Variants in MAGI1 observed in about 807,000 individuals in gnomAD.
The protein encoded by MAGI1 is membrane-associated guanylate kinase, WW and PDZ domain-containing protein 1.
In MAGI1, 58 loss-of-function variants were observed where a neutral mutation model predicts 139.9. That is an observed-to-expected ratio of 0.41 (90% CI 0.34 to 0.52). The LOEUF (loss-of-function observed/expected upper bound fraction) is 0.52. Among genes scored for constraint, MAGI1 ranks in the 20% least tolerant of loss-of-function variants. The pLI is 0.12. For synonymous variants in MAGI1, 812 were observed against 737.9 expected (o/e 1.10, Z -1.63); for missense variants, 1,874 against 1,901.6 (o/e 0.99, Z 0.27).
chr3:65,656,586 C>A (rs148455957), intron 1 of MAGI1, among the ~76,000 whole-genome samples: 1 of 132,870 alleles, frequency 7.5e-6, no homozygotes, highest in Non-Finnish European at 1.7e-5. Context: ...TTAGAGCAAA[C>A]TTCTTACTCC....
chr3:65,695,313 T>C (rs971062322), intron 1 of MAGI1, among the ~76,000 whole-genome samples: 1 of 119,626 alleles, frequency 8.4e-6, no homozygotes, highest in African/African-American at 3.6e-5. Flanking sequence ...CATTAAATAA[T>C]AGATGTGGCC....
intron 2 of MAGI1, among the ~76,000 whole-genome samples, chr3:65,567,584 C>G (rs1279856537): frequency 6.6e-6 from 1 of 152,190 alleles, no homozygotes; most frequent in Admixed American, 6.5e-5. Flanking sequence ...CACCAGTAAT[C>G]TCAGCATTTT....
At position 65,548,335 on chromosome 3, in the gene MAGI1, C is replaced by G. The variant is rs142107683; in HGVS notation, c.431-54704G>C. Among the ~76,000 whole-genome samples the G allele has an allele frequency of 6.2e-4, 95 of 152,132 alleles. 1 individual carries two copies. In the East Asian group the frequency reaches 0.018, roughly 28 times the overall value. ...AGGGACAAGAGGGGCAGTTGGCACA[C>G]AGCTCGCAAGAAGGCCTAGGCACCC... On this transcript the variant is annotated intron_variant, in intron 2 of 22. Coordinates refer to ENST00000402939, the MANE Select transcript of MAGI1 (RefSeq NM_001033057.2).
intron 2 of MAGI1, among the ~76,000 whole-genome samples, chr3:65,573,114 T>C (rs1167355475): frequency 1.3e-5 from 2 of 149,636 alleles, no homozygotes; most frequent in Non-Finnish European, 1.5e-5. Context: ...TGATATTCAT[T>C]CCTTTCACAA....
intron 1 of MAGI1, among the ~76,000 whole-genome samples, chr3:65,792,142 T>C (rs2039820741): frequency 6.6e-6 from 1 of 152,184 alleles, no homozygotes; most frequent in South Asian, 2.1e-4. Flanking sequence ...AAATAGCTAT[T>C]AATAGAAAAC....
At chr3:65,420,045 G>T (rs1161487648) in intron 12 of MAGI1, among the ~76,000 whole-genome samples, 4 of 152,032 alleles carry the variant, frequency 2.6e-5, no homozygotes, top group African/African-American at 9.7e-5. Context: ...ACTCTTGCTT[G>T]AACTACTGCA....
intron 13 of MAGI1, among the ~76,000 whole-genome samples, chr3:65,394,846 G>T (rs1396954933): frequency 6.6e-6 from 1 of 152,110 alleles, no homozygotes; most frequent in African/African-American, 2.4e-5. Flanking sequence ...AGAAGACTAG[G>T]GGCATGAGAA....
chr3:65,546,014 A>ACACACACT (rs34391171), intron 2 of MAGI1, among the ~76,000 whole-genome samples: 1 of 151,240 alleles, frequency 6.6e-6, no homozygotes, highest in Non-Finnish European at 1.5e-5. Flanking sequence ...ACACACACAC[A>ACACACACT]CTCTCAAACT....
In MAGI1 at chr3:65,679,476, T is replaced by A. The variant is rs576630192; in HGVS notation, c.314-57388A>T. On this transcript the variant is annotated intron_variant, in intron 1 of 22. Coordinates refer to ENST00000402939, the MANE Select transcript of MAGI1 (RefSeq NM_001033057.2). ...ACTTTGGGAGGCTGAGGCACAAGAA[T>A]TCATTGAACCCAGAAGGCAGAAGTT... Among the ~76,000 whole-genome samples, 12 of 152,130 alleles carry A rather than the reference T, an allele frequency of 7.9e-5. No homozygotes were observed. In the South Asian group the frequency reaches 2.5e-3, roughly 32 times the overall value.
At chr3:65,538,378 T>A (rs978726984) in intron 2 of MAGI1, among the ~76,000 whole-genome samples, 2 of 152,154 alleles carry the variant, frequency 1.3e-5, no homozygotes, top group African/African-American at 4.8e-5. Context: ...GATTAAAAGA[T>A]ACACACCATC....
chr3:65,747,385 A>C (rs553217054), intron 1 of MAGI1, among the ~76,000 whole-genome samples: 1 of 152,278 alleles, frequency 6.6e-6, no homozygotes, highest in Non-Finnish European at 1.5e-5. Flanking sequence ...CCTACATTAA[A>C]CCAGACTGCC....
intron 1 of MAGI1, among the ~76,000 whole-genome samples, chr3:65,735,046 A>C (rs2034594134): frequency 6.6e-6 from 1 of 152,200 alleles, no homozygotes; most frequent in African/African-American, 2.4e-5. Context: ...AGAATCTGGC[A>C]AAAGACCCTT....
At chr3:66,026,347 G>C (rs949026665) in intron 1 of MAGI1, among the ~76,000 whole-genome samples, 3 of 151,966 alleles carry the variant, frequency 2.0e-5, no homozygotes, top group African/African-American at 7.3e-5. Context: ...ACAACAACTG[G>C]CAGACAACCA....
In MAGI1 at chr3:65,618,859, CCA is replaced by C. The variant is rs374664053; in HGVS notation, c.430+3111_430+3112del. 3.1e-3 allele frequency among the ~76,000 whole-genome samples: 470 copies of C among 152,300 alleles called. 1 individual carries two copies. The highest frequency in any genetic ancestry group is 0.011 in the African/African-American group (452 of 41,558). Reference sequence around the variant, plus strand: ...GAGAGGTTATGTGACTTGTGCCAGGCCACACAGCCAGCAGAGTAGCCCTCAGA... The same window carrying C: ...GAGAGGTTATGTGACTTGTGCCAGGCCACAGCCAGCAGAGTAGCCCTCAGA... On this transcript the variant is annotated intron_variant, in intron 2 of 22. Transcript: ENST00000402939.
chr3:65,788,068 T>C (rs1347943135), intron 1 of MAGI1, among the ~76,000 whole-genome samples: 1 of 152,210 alleles, frequency 6.6e-6, no homozygotes, highest in Non-Finnish European at 1.5e-5. Flanking sequence ...CTAGGTTTCC[T>C]TGAGGTCAAA....
intron 1 of MAGI1, among the ~76,000 whole-genome samples, chr3:65,977,429 G>A (rs893285362): frequency 2.0e-5 from 3 of 152,026 alleles, no homozygotes; most frequent in African/African-American, 7.2e-5. Context: ...ATCAAAACTC[G>A]GCCGGGCGCG....
At chr3:65,912,283 G>A (rs1046412629) in intron 1 of MAGI1, among the ~76,000 whole-genome samples, 5 of 150,460 alleles carry the variant, frequency 3.3e-5, no homozygotes, top group African/African-American at 1.2e-4. Flanking sequence ...TACACATCGT[G>A]TTCTCGCACT....
chr3:65,951,785 G>C (rs972058901), intron 1 of MAGI1, among the ~76,000 whole-genome samples: 8 of 152,104 alleles, frequency 5.3e-5, no homozygotes, highest in Non-Finnish European at 8.8e-5. Flanking sequence ...TGGCAGTCTG[G>C]TGATGACTAT....
intron 1 of MAGI1, among the ~76,000 whole-genome samples, chr3:65,967,915 C>T (rs900438067): frequency 3.9e-5 from 6 of 152,106 alleles, no homozygotes; most frequent in African/African-American, 7.2e-5. Context: ...GAGTCTGCAG[C>T]GGTAATGCCC....
Sources: allele counts gnomAD v4.1 joint callset (sites outside exome capture counted in the v4.1 genomes callset), GRCh38; gene constraint gnomAD v4.1.1; transcripts MANE v1.5; gene names NCBI Gene and HGNC (gene_info 2026-07-23, HGNC 2026-07-21).